TLN2: variants seen among roughly 807,000 people sequenced by gnomAD.
The protein encoded by TLN2 is talin-2.
TLN2 carries 118 observed loss-of-function variants against 294.7 expected under a neutral mutation model. The observed-to-expected ratio is 0.40, with a 90% CI of 0.34 to 0.47. The LOEUF is 0.47. Among genes scored for constraint, TLN2 ranks in the 20% least tolerant of loss-of-function variants. The probability of loss-of-function intolerance (pLI) is 0.84; values close to 1 mark genes in which losing one functional copy is unlikely to be tolerated. For missense variants in TLN2, 3,083 were observed against 3,282.2 expected (o/e 0.94, Z 1.48); for synonymous variants, 1,431 against 1,304.5 (o/e 1.10, Z -2.09).
intron 2 of TLN2, among the ~76,000 whole-genome samples, chr15:62,612,639 AT>A (rs907165296): frequency 6.6e-6 from 1 of 151,914 alleles, no homozygotes; most frequent in African/African-American, 2.4e-5. Context: ...TGTTCGTGAG[AT>A]TTTTTTTCTT....
intron 55 of TLN2, chr15:62,834,891 C>T (rs2069316401): frequency 6.6e-6 from 1 of 152,110 alleles, no homozygotes; most frequent in Non-Finnish European, 1.5e-5. Context: ...TGGCAGAGTC[C>T]CTATCTGTCC....
intron 10 of TLN2, 35 bp from the exon 11 acceptor site, chr15:62,675,182 G>T (rs759030310): frequency 6.2e-7 from 1 of 1,600,844 alleles, no homozygotes; most frequent in Non-Finnish European, 8.6e-7. Flanking sequence ...TGGCAGAGAT[G>T]CAATAACTGG....
Position 62,675,268 on chromosome 15 carries a change from G to A in TLN2, c.904G>A (p.Val302Ile), listed in dbSNP as rs781350490. 6 of 1,614,122 alleles carry A rather than the reference G, an allele frequency of 3.7e-6. No homozygotes were observed. The highest frequency in any genetic ancestry group is 3.3e-5 in the South Asian group (3 of 91,086). The change falls in exon 11 of 59, where the codon GTC (valine) becomes ATC (isoleucine). Residue 302 changes from valine to isoleucine, a missense_variant. Coordinates refer to ENST00000636159, the MANE Select transcript of TLN2 (RefSeq NM_015059.3). ...MSEIEAKVKY[V>I]KLARSLRTYG... Reference sequence around the variant, plus strand: ...TGAGATAGAAGCCAAGGTCAAGTACGTCAAACTCGCACGGTCCCTCCGCAC... The same window carrying A: ...TGAGATAGAAGCCAAGGTCAAGTACATCAAACTCGCACGGTCCCTCCGCAC...
intron 37 of TLN2, among the ~76,000 whole-genome samples, chr15:62,760,946 C>G (rs894314150): frequency 6.6e-6 from 1 of 152,150 alleles, no homozygotes; most frequent in Non-Finnish European, 1.5e-5. Flanking sequence ...CAGAAGCTTT[C>G]CTTATGCTCT....
chr15:62,552,782 A>T (rs1211564514), intron 1 of TLN2, among the ~76,000 whole-genome samples: 1 of 152,254 alleles, frequency 6.6e-6, no homozygotes, highest in Non-Finnish European at 1.5e-5. Context: ...CACATAAAGC[A>T]ATATTATGTA....
At chr15:62,496,709 G>C (rs756534742) in intron 1 of TLN2, among the ~76,000 whole-genome samples, 5 of 152,166 alleles carry the variant, frequency 3.3e-5, no homozygotes, top group African/African-American at 4.8e-5. Context: ...CAATACCTAT[G>C]CTCCTAAGAA....
intron 1 of TLN2, among the ~76,000 whole-genome samples, chr15:62,569,548 G>C (rs1363881339): frequency 6.6e-6 from 1 of 152,236 alleles, no homozygotes; most frequent in Non-Finnish European, 1.5e-5. Context: ...CTGCTACCCA[G>C]ACTTTCTGGA....
At chr15:62,739,595 A>C (rs771279866) in intron 31 of TLN2, 50 bp downstream of exon 31, 109 of 1,599,460 alleles carry the variant, frequency 6.8e-5, no homozygotes, top group Non-Finnish European at 2.7e-5. Context: ...CTCCTCTCGG[A>C]TGGATAATCC....
intron 54 of TLN2, among the ~76,000 whole-genome samples, chr15:62,824,210 G>C (rs2067833083): frequency 6.6e-6 from 1 of 152,046 alleles, no homozygotes; most frequent in African/African-American, 2.4e-5. Context: ...GCTTATTATA[G>C]AAACAATAAG....
chr15:62,416,804 G>A (rs74019760), intron 1 of TLN2, among the ~76,000 whole-genome samples: 6,144 of 152,156 alleles, frequency 0.04, 373 homozygotes, highest in African/African-American at 0.13. Flanking sequence ...TAGAAGACCG[G>A]GCTCTGCCTG....
intron 12 of TLN2, among the ~76,000 whole-genome samples, chr15:62,688,828 A>G (rs887424516): frequency 5.9e-5 from 9 of 152,106 alleles, no homozygotes; most frequent in African/African-American, 2.2e-4. Flanking sequence ...AATGCTTTTT[A>G]TAAAACTAAT....
At chr15:62,462,503 C>A (rs182370129) in intron 1 of TLN2, among the ~76,000 whole-genome samples, 1 of 152,162 alleles carries the variant, frequency 6.6e-6, no homozygotes, top group African/African-American at 2.4e-5. Context: ...GGTTTTTAAC[C>A]AGTGATTCAT....
chr15:62,501,675 C>A (rs915485102), intron 1 of TLN2, among the ~76,000 whole-genome samples: 8 of 152,222 alleles, frequency 5.3e-5, no homozygotes, highest in African/African-American at 1.9e-4. Flanking sequence ...CCCATCCACA[C>A]TGATGTGACA....
chr15:62,647,812 C>T (rs1017441815), intron 4 of TLN2, among the ~76,000 whole-genome samples: 1 of 152,144 alleles, frequency 6.6e-6, no homozygotes, highest in Non-Finnish European at 1.5e-5. Context: ...CATGCATGAA[C>T]GCTTTCCACT....
chr15:62,401,184 C>G (rs1409030861), intron 1 of TLN2, among the ~76,000 whole-genome samples: 1 of 152,192 alleles, frequency 6.6e-6, no homozygotes, highest in East Asian at 1.9e-4. Context: ...TGAACCAAAG[C>G]TCAAGCAGAG....
rs113296173 is a variant in TLN2, at chr15:62,516,439, T to C, written c.-237-73248T>C. ...CAGTTAGGAGTTTTGCTGCTCTGCCTGAAGAATTCTACATTTTACTCTATT... is the reference window on the plus strand; with the variant it reads ...CAGTTAGGAGTTTTGCTGCTCTGCCCGAAGAATTCTACATTTTACTCTATT... On this transcript the variant is annotated intron_variant, in intron 1 of 58. Coordinates refer to ENST00000636159, the MANE Select transcript of TLN2 (RefSeq NM_015059.3). Among the ~76,000 whole-genome samples, 166 of 152,364 alleles carry C rather than the reference T, an allele frequency of 1.1e-3. 2 individuals are homozygous for C. The Middle Eastern group carries it at 0.014, about 12-fold the overall frequency.
chr15:62,734,405 G>A (rs899418545), intron 28 of TLN2, among the ~76,000 whole-genome samples: 1 of 152,188 alleles, frequency 6.6e-6, no homozygotes, highest in Non-Finnish European at 1.5e-5. Flanking sequence ...CCGTGAGAAA[G>A]GGAGGCCCAG....
intron 1 of TLN2, among the ~76,000 whole-genome samples, chr15:62,497,244 A>T (rs2039058050): frequency 6.6e-6 from 1 of 152,226 alleles, no homozygotes. Flanking sequence ...CTCCCAGTAT[A>T]TCCTACATAT....
rs148303888 is a variant in TLN2 at position 62,807,722 on chromosome 15, A to T, written c.6663+1937A>T. 2.7e-4 allele frequency among the ~76,000 whole-genome samples: 41 copies of T among 152,276 alleles called. No individual in the cohort carries two copies. In the Middle Eastern group the frequency reaches 0.01, roughly 38 times the overall value. The stretch of plus-strand genomic sequence containing the variant: ...TGCCCATCCTCAGCCCCTCTCTGTC[A>T]TCTCGACCCTGGGATGCGTTATCTG... On this transcript the variant is annotated intron_variant, in intron 51 of 58. Transcript: ENST00000636159.
Sources: allele counts gnomAD v4.1 joint callset (sites outside exome capture counted in the v4.1 genomes callset), GRCh38; gene constraint gnomAD v4.1.1; transcripts MANE v1.5; gene names NCBI Gene and HGNC (gene_info 2026-07-23, HGNC 2026-07-21).